The following CRISPLD1 variants were observed in gnomAD, a reference collection of about 807,000 sequenced individuals.
The protein encoded by CRISPLD1 is cysteine rich secretory protein LCCL domain containing 1.
CRISPLD1 carries 60 observed loss-of-function variants against 77.5 expected under a neutral mutation model. The ratio of observed to expected loss-of-function variants is 0.77; its 90% CI spans 0.63 to 0.96. CRISPLD1 has a LOEUF of 0.96. Among genes scored for constraint, CRISPLD1 ranks in the 40% least tolerant of loss-of-function variants. CRISPLD1 has a pLI of 0.00. For synonymous variants in CRISPLD1, 195 were observed against 200.1 expected, an observed-to-expected ratio of 0.97 and a Z score of 0.22; for missense variants, 623 against 615.8, an observed-to-expected ratio of 1.01 and a Z score of -0.12.
chr8:75,021,866 C>T (rs1813141804), intron 12 of CRISPLD1, among the ~76,000 whole-genome samples: 1 of 151,950 alleles, frequency 6.6e-6, no homozygotes, highest in African/African-American at 2.4e-5. Context: ...TATTAAATAC[C>T]TACTAAGTAC....
chr8:75,032,074 G>T, intron 14 of CRISPLD1, 117 bp from the exon 15 acceptor site: 1 of 643,818 alleles, frequency 1.6e-6, no homozygotes, highest in South Asian at 2.4e-5. Context: ...TAAGAAAGTT[G>T]ACCATCTGGA....
chr8:75,016,734 T>G (rs747505180), intron 7 of CRISPLD1, 29 bp downstream of exon 7: 2 of 1,588,380 alleles, frequency 1.3e-6, no homozygotes, highest in East Asian at 2.2e-5. Flanking sequence ...TTATAAAAAT[T>G]TTCAAAGTAC....
chr8:75,023,565 A>G (rs992860500), intron 12 of CRISPLD1, among the ~76,000 whole-genome samples: 1 of 152,186 alleles, frequency 6.6e-6, no homozygotes, highest in Non-Finnish European at 1.5e-5. Flanking sequence ...TAAAAACTAT[A>G]ACTATTTCTT....
chr8:75,013,142 A>G, intron 4 of CRISPLD1, 120 bp downstream of exon 4: 2 of 718,576 alleles, frequency 2.8e-6, no homozygotes, highest in Non-Finnish European at 4.0e-6. Context: ...ATTTATATGG[A>G]TATTGATTAT....
At chr8:74,992,526 G>A (rs1314012440) in intron 2 of CRISPLD1, among the ~76,000 whole-genome samples, 2 of 152,178 alleles carry the variant, frequency 1.3e-5, no homozygotes, top group South Asian at 2.1e-4. Context: ...AGTGTAGAAT[G>A]TACTTCAGCA....
intron 2 of CRISPLD1, among the ~76,000 whole-genome samples, chr8:75,003,910 G>GTAATAT (rs1403715591): frequency 2.0e-5 from 3 of 152,054 alleles, no homozygotes; most frequent in African/African-American, 7.2e-5. Context: ...TGCATCTGAT[G>GTAATAT]TAATATTAAA....
At chr8:74,997,817 A>G (rs114107964) in intron 2 of CRISPLD1, among the ~76,000 whole-genome samples, 1,770 of 152,300 alleles carry the variant, frequency 0.012, 30 homozygotes, top group African/African-American at 0.04. Context: ...AGGAAAGTCT[A>G]CAATGGTTTT....
At chr8:75,028,400 TAAGAA>T (rs1431879549) in intron 13 of CRISPLD1, among the ~76,000 whole-genome samples, 1 of 152,104 alleles carries the variant, frequency 6.6e-6, no homozygotes, top group Non-Finnish European at 1.5e-5. Flanking sequence ...TGCATAGAGA[TAAGAA>T]AAGAACACAC....
chr8:75,030,680 ATGTGTGTGTGTGTG>A (rs34737814), intron 14 of CRISPLD1, among the ~76,000 whole-genome samples: 2 of 146,466 alleles, frequency 1.4e-5, no homozygotes, highest in African/African-American at 2.5e-5. Flanking sequence ...CCGGAGATAT[ATGTGTGTGTGTGTG>A]TGTGTGTGTG....
In CRISPLD1 at chr8:74,986,104, C is replaced by T. The variant is rs1296283542; in HGVS notation, c.117C>T (p.Tyr39=). 1.1e-5 allele frequency: 17 copies of T among 1,613,928 alleles called. No homozygotes were observed. The highest frequency in any genetic ancestry group is 1.3e-5 in the African/African-American group (1 of 74,854). Residue 39 remains tyrosine, a synonymous_variant, in exon 2 of 15, where the codon TAC becomes TAT. Transcript: ENST00000262207. ...ATLLEKLLEK[Y]MDEDGEWWIA... ...TATTGGAGAAACTTTTGGAAAAATA[C>T]ATGGATGAGGATGGTGAGTGGTGGA...
chr8:75,018,119 A>G (rs571013338), intron 10 of CRISPLD1, among the ~76,000 whole-genome samples: 8 of 152,034 alleles, frequency 5.3e-5, no homozygotes, highest in Non-Finnish European at 1.2e-4. Flanking sequence ...TTCATACAGA[A>G]CTCCTTTTCT....
At chr8:75,029,811 CTT>C (rs1357126283) in intron 14 of CRISPLD1, among the ~76,000 whole-genome samples, 2 of 152,162 alleles carry the variant, frequency 1.3e-5, no homozygotes, top group Non-Finnish European at 2.9e-5. Context: ...CTTTCATCCT[CTT>C]TTGGATTTTC....
At chr8:75,003,371 A>G (rs1193106817) in intron 2 of CRISPLD1, among the ~76,000 whole-genome samples, 1 of 151,864 alleles carries the variant, frequency 6.6e-6, no homozygotes, top group Non-Finnish European at 1.5e-5. Flanking sequence ...TTTTTATTTC[A>G]TTTTGAAAAT....
intron 13 of CRISPLD1, among the ~76,000 whole-genome samples, chr8:75,028,746 C>T (rs1813279382): frequency 6.6e-6 from 1 of 152,118 alleles, no homozygotes; most frequent in African/African-American, 2.4e-5. Context: ...CATGTCAGAC[C>T]ATTCAAACTA....
In CRISPLD1 at chr8:75,029,341, CAG is replaced by C. The variant is rs754693751; in HGVS notation, c.1321-45_1321-44del. 3.1e-6 allele frequency: 5 copies of C among 1,587,934 alleles called. No individual in the cohort carries two copies. The East Asian group carries it at 1.1e-4, about 36-fold the overall frequency. Reference sequence around the variant, plus strand: ...AATAGAAGAATAGGCTGGACAAGTCCAGCAGGAATTTCCAATAATGGCAGTTT... The same window carrying C: ...AATAGAAGAATAGGCTGGACAAGTCCCAGGAATTTCCAATAATGGCAGTTT... On this transcript the variant is annotated intron_variant, in intron 13 of 14. Transcript: ENST00000262207.
Position 75,029,644 on chromosome 8 carries a change from T to C in CRISPLD1, c.1451+127T>C, listed in dbSNP as rs551704842. On this transcript the variant is annotated intron_variant, in intron 14 of 14. Transcript: ENST00000262207. ...AAGTTAAGTGGCAGAGCCAGTGTGT[T>C]CCTTTGCACACTTGTGTACCAGTCA... 3,557 of 873,966 alleles carry C rather than the reference T, an allele frequency of 4.1e-3. 11 individuals are homozygous for C. The highest frequency in any genetic ancestry group is 5.5e-3 in the Non-Finnish European group (3,176 of 575,764). 54.1% of individuals were successfully genotyped at this position (873,966 alleles called of 1,614,324 possible).
At chr8:75,007,715 C>G (rs1234091480) in intron 2 of CRISPLD1, among the ~76,000 whole-genome samples, 1 of 141,060 alleles carries the variant, frequency 7.1e-6, no homozygotes, top group African/African-American at 2.8e-5. Context: ...CATTGTGGCC[C>G]AGGCTAGAGT....
intron 2 of CRISPLD1, among the ~76,000 whole-genome samples, chr8:74,993,416 T>G (rs1812603567): frequency 6.6e-6 from 1 of 152,226 alleles, no homozygotes; most frequent in African/African-American, 2.4e-5. Context: ...TAAAGTTCCC[T>G]TATTCTGAAT....
At chr8:74,989,841 C>T (rs1812546502) in intron 2 of CRISPLD1, among the ~76,000 whole-genome samples, 1 of 152,004 alleles carries the variant, frequency 6.6e-6, no homozygotes, top group African/African-American at 2.4e-5. Context: ...AAGAGTTTTC[C>T]CTGGGTTTTC....
Sources: gnomAD v4.1 joint callset for allele counts (sites outside exome capture counted in the v4.1 genomes callset) on GRCh38, gnomAD v4.1.1 for gene constraint, MANE v1.5 for transcripts, NCBI Gene and HGNC (gene_info 2026-07-23, HGNC 2026-07-21) for gene names.